The following ADAM19 variants were observed in gnomAD, a reference collection of about 807,000 sequenced individuals.
The protein encoded by ADAM19 is ADAM metallopeptidase domain 19.
ADAM19 carries 65 observed loss-of-function variants against 114.7 expected under a neutral mutation model. That is an observed-to-expected ratio of 0.57 (90% CI 0.46 to 0.70). ADAM19 has a LOEUF of 0.70. ADAM19 is among the 30% of genes least tolerant of loss of function. The pLI, the probability that ADAM19 is intolerant of heterozygous loss-of-function variation, is 0.00. For missense variants in ADAM19, 1,063 were observed against 1,204.7 expected (o/e 0.88, Z 1.74); for synonymous variants, 466 against 460.5 (o/e 1.01, Z -0.15).
chr5:157,480,273 C>T lies in ADAM19; in HGVS notation c.*676G>A. ...CAGAGGAAGCCCAAGCCCGGTGCTC[C>T]TCCTGCTGTCTACACTGCCTACGAA... On this transcript the variant is annotated 3_prime_UTR_variant, in exon 23 of 23. Transcript: ENST00000257527. 2.0e-6 allele frequency: 2 copies of T among 985,896 alleles called. No homozygotes were observed. Among genetic ancestry groups the T allele is most frequent in the South Asian group, 4.7e-5 (1 of 21,286 alleles). The allele number at this position is 985,896 out of a possible 1,614,324, so 61.1% of individuals were successfully genotyped here.
chr5:157,481,364 A>C (rs983884932), intron 22 of ADAM19: 5 of 583,642 alleles, frequency 8.6e-6, no homozygotes, highest in Non-Finnish European at 1.5e-5. Flanking sequence ...ACTGTCAGCC[A>C]CACAGAAGAA....
chr5:157,499,940 G>T (rs201264967), intron 12 of ADAM19, among the ~76,000 whole-genome samples: 2 of 148,962 alleles, frequency 1.3e-5, no homozygotes, highest in Non-Finnish European at 1.5e-5. Context: ...CACCACACCT[G>T]GCTAATTTTT....
intron 5 of ADAM19, among the ~76,000 whole-genome samples, chr5:157,520,409 T>C (rs184362163): frequency 1.3e-5 from 2 of 152,038 alleles, no homozygotes; most frequent in Admixed American, 1.3e-4. Context: ...GGATGGTAGG[T>C]CCAGGATTCC....
chr5:157,487,756 A>G (rs1301791227), intron 21 of ADAM19, among the ~76,000 whole-genome samples: 1 of 152,222 alleles, frequency 6.6e-6, no homozygotes, highest in African/African-American at 2.4e-5. Flanking sequence ...AGACTTTCCA[A>G]TCAGTAGAAG....
At chr5:157,482,201 C>G (rs1050832879) in intron 21 of ADAM19, among the ~76,000 whole-genome samples, 1 of 152,178 alleles carries the variant, frequency 6.6e-6, no homozygotes, top group African/African-American at 2.4e-5. Context: ...TAAATGTCTT[C>G]TTTTGAGAAG....
chr5:157,486,211 G>A (rs533135502), intron 21 of ADAM19, among the ~76,000 whole-genome samples: 30 of 152,174 alleles, frequency 2.0e-4, no homozygotes, highest in Admixed American at 1.0e-3. Context: ...GTGCAATGTC[G>A]GGCAAGTCCC....
chr5:157,553,364 T>C (rs1395732382), intron 3 of ADAM19, among the ~76,000 whole-genome samples: 1 of 152,208 alleles, frequency 6.6e-6, no homozygotes, highest in African/African-American at 2.4e-5. Context: ...ATAAAATTAC[T>C]GAGATTTGTT....
chr5:157,543,991 C>T (rs924583603), intron 3 of ADAM19, among the ~76,000 whole-genome samples: 6 of 152,206 alleles, frequency 3.9e-5, no homozygotes, highest in Admixed American at 2.6e-4. Flanking sequence ...TACATCAGTA[C>T]TCATTCCACC....
At chr5:157,551,264 C>T (rs763464978) in intron 3 of ADAM19, among the ~76,000 whole-genome samples, 17 of 151,854 alleles carry the variant, frequency 1.1e-4, no homozygotes, top group Middle Eastern at 3.4e-3. Flanking sequence ...AATTAGCTGG[C>T]GTGGTGGTGC....
At position 157,478,913 on chromosome 5, in the gene ADAM19, G is replaced by A. The variant is rs920407585; in HGVS notation, c.*2036C>T. The A allele has an allele frequency of 1.3e-5, 13 of 985,602 alleles. No homozygotes were observed. The highest frequency in any genetic ancestry group is 1.4e-5 in the Non-Finnish European group (12 of 829,950). The allele number at this position is 985,602 out of a possible 1,614,324, so 61.1% of individuals were successfully genotyped here. ...AGAGCTATCTACCTCCTGATGTGAG[G>A]GAGAAAGGCTGGAGAAGCCACAGGA... is the stretch of plus-strand genomic sequence containing the variant. On this transcript the variant is annotated 3_prime_UTR_variant, in exon 23 of 23. Coordinates refer to ENST00000257527, the MANE Select transcript of ADAM19 (RefSeq NM_033274.5).
chr5:157,575,471 G>C (rs1581366965), intron 1 of ADAM19, 132 bp downstream of exon 1: 1 of 606,364 alleles, frequency 1.6e-6, no homozygotes, highest in East Asian at 3.5e-5. Context: ...CCCAGGCTGG[G>C]GACGGCGGGG....
intron 5 of ADAM19, among the ~76,000 whole-genome samples, chr5:157,526,497 C>G (rs1756465543): frequency 6.6e-6 from 1 of 152,222 alleles, no homozygotes; most frequent in South Asian, 2.1e-4. Flanking sequence ...CCAGAACACA[C>G]AGGCTCAGTC....
chr5:157,481,885 C>A lies in ADAM19; in HGVS notation c.2609G>T (p.Arg870Leu), dbSNP rs200828291. The A allele has an allele frequency of 6.2e-7, 1 of 1,600,932 alleles. No homozygotes were observed. The highest frequency in any genetic ancestry group is 1.1e-5 in the South Asian group (1 of 88,476). The change falls in exon 22 of 23, where the codon CGC becomes CTC. Residue 870 changes from arginine (R) to leucine (L), a missense_variant. This residue lies in a region of ADAM19 where 424 missense variants were observed against 445.5 expected (regional missense o/e 0.95). Transcript: ENST00000257527. ...ACCTCCTGGCCTGGGGAGGCTCCTG[C>A]GGCCTGGCACTGGGTTTGCCGGGAG... ...KALPANPVPG[R>L]RSLPRPGGAS...
At chr5:157,527,566 A>G (rs1222247106) in intron 5 of ADAM19, among the ~76,000 whole-genome samples, 1 of 152,148 alleles carries the variant, frequency 6.6e-6, no homozygotes, top group Non-Finnish European at 1.5e-5. Context: ...CTATCACCAG[A>G]ACAGCATGGG....
chr5:157,552,709 A>G (rs968730406), intron 3 of ADAM19, among the ~76,000 whole-genome samples: 1 of 150,100 alleles, frequency 6.7e-6, no homozygotes, highest in Admixed American at 6.6e-5. Context: ...AAAGGAAATC[A>G]GTATACTGAA....
In ADAM19 at chr5:157,488,301, C is replaced by T. The variant is rs1755018759; in HGVS notation, c.2514G>A (p.Arg838=). Residue 838 remains arginine, a synonymous_variant, in exon 21 of 23, where the codon CGG becomes CGA. Transcript: ENST00000257527. ...TESSRRPPPS[R]PIPPAPNCIV... is the part of the protein sequence containing the mutation. ...TGCAATTTGGTGCGGGGGGAATTGG[C>T]CGGCTTGGAGGAGGCCTCCTGGACG... 1 of 1,613,952 alleles carries T rather than the reference C, an allele frequency of 6.2e-7. No homozygotes were observed. Among genetic ancestry groups the T allele is most frequent in the African/African-American group, 1.3e-5 (1 of 75,008 alleles).
chr5:157,545,013 G>A lies in ADAM19; in HGVS notation c.252-7022C>T, dbSNP rs6892977. 3.8e-3 allele frequency among the ~76,000 whole-genome samples: 576 copies of A among 152,236 alleles called. 3 individuals are homozygous for A. The highest frequency in any genetic ancestry group is 0.013 in the African/African-American group (533 of 41,542). On this transcript the variant is annotated intron_variant, in intron 3 of 22. Coordinates refer to ENST00000257527, the MANE Select transcript of ADAM19 (RefSeq NM_033274.5). ...TATGCTTAGAAAAAAGGGAATAAGC[G>A]GACCACTCCCTGAAACTAACAAACA... is the stretch of plus-strand genomic sequence containing the variant.
At chr5:157,489,482 C>T (rs527652816) in intron 19 of ADAM19, among the ~76,000 whole-genome samples, 1 of 152,322 alleles carries the variant, frequency 6.6e-6, no homozygotes, top group East Asian at 1.9e-4. Flanking sequence ...GTGTCACGAG[C>T]CATCAACCAA....
Position 157,478,954 on chromosome 5 carries a change from G to C in ADAM19, c.*1995C>G. ...AGCCACAGGAAGCTCTGTGAGGCAT[G>C]GGGTTGGGTTTTGAGGATGTTGCTT... On this transcript the variant is annotated 3_prime_UTR_variant, in exon 23 of 23. Transcript: ENST00000257527. 1.0e-6 allele frequency: 1 copy of C among 985,614 alleles called. No homozygotes were observed. The highest frequency in any genetic ancestry group is 4.7e-5 in the South Asian group (1 of 21,290). The allele number at this position is 985,614 out of a possible 1,614,324, so 61.1% of individuals were successfully genotyped here. A position where few individuals can be genotyped will look rare whatever the true frequency, so the allele number is the denominator to read the frequency against.
Sources: gnomAD v4.1 joint callset for allele counts (sites outside exome capture counted in the v4.1 genomes callset) on GRCh38, gnomAD v4.1.1 for gene constraint, gnomAD v4.1.1 regional missense constraint, MANE v1.5 for transcripts, NCBI Gene and HGNC (gene_info 2026-07-23, HGNC 2026-07-21) for gene names.